The following DBT variants were observed in gnomAD, a reference collection of about 807,000 sequenced individuals.
DBT encodes dihydrolipoamide branched chain transacylase E2, also known as lipoamide acyltransferase component of branched-chain alpha-keto acid dehydrogenase complex, mitochondrial.
A neutral mutation model predicts 51.3 loss-of-function variants in DBT; 40 were observed. That is an observed-to-expected ratio of 0.78 (90% CI 0.61 to 1.02). The LOEUF (loss-of-function observed/expected upper bound fraction) is 1.02, where lower values mean the gene tolerates loss of function less well. Ranked by LOEUF, DBT falls within the 50% of genes least tolerant of loss-of-function variation. DBT has a pLI of 0.00. For synonymous variants in DBT, 181 were observed against 190.4 expected, an observed-to-expected ratio of 0.95 and a Z score of 0.41; for missense variants, 510 against 580.2, an observed-to-expected ratio of 0.88 and a Z score of 1.24.
At chr1:100,200,608 C>T (rs1015039011) in intron 10 of DBT, among the ~76,000 whole-genome samples, 4 of 152,220 alleles carry the variant, frequency 2.6e-5, no homozygotes, top group Admixed American at 6.5e-5. Context: ...TGCCTCCTGA[C>T]GGGGAGACAC....
intron 1 of DBT, among the ~76,000 whole-genome samples, chr1:100,242,165 A>G (rs560810941): frequency 1.3e-5 from 2 of 152,272 alleles, no homozygotes; most frequent in South Asian, 2.1e-4. Flanking sequence ...AAGAATACTG[A>G]TAAGTGAAAC....
At chr1:100,207,408 TA>T (rs2100781567) in intron 8 of DBT, among the ~76,000 whole-genome samples, 1 of 152,264 alleles carries the variant, frequency 6.6e-6, no homozygotes, top group African/African-American at 2.4e-5. Context: ...ACATATATAA[TA>T]AAAAGTATAT....
At chr1:100,227,802 C>T (rs1044030898) in intron 4 of DBT, among the ~76,000 whole-genome samples, 2 of 151,752 alleles carry the variant, frequency 1.3e-5, no homozygotes, top group South Asian at 2.1e-4. Flanking sequence ...TTGAATTCAG[C>T]CTTTATTTTT....
chr1:100,196,534 CTG>C (rs5776501), intron 10 of DBT, 112 bp from the exon 11 acceptor site: 1,467,578 of 1,470,416 alleles, frequency 1, 732,421 homozygotes, highest in East Asian at 1. Context: ...ACCCTTCTTC[CTG>C]TACAGTACAG....
At chr1:100,232,163 A>G (rs2100829797) in intron 3 of DBT, among the ~76,000 whole-genome samples, 1 of 152,342 alleles carries the variant, frequency 6.6e-6, no homozygotes, top group East Asian at 1.9e-4. Context: ...CGTTTCGAGC[A>G]TGTTTAAGGT....
chr1:100,249,367 C>T (rs973487275), intron 1 of DBT: 1 of 332,748 alleles, frequency 3.0e-6, no homozygotes, highest in Non-Finnish European at 5.9e-6. Context: ...TTCCTCTACA[C>T]ACTGTAGATT....
intron 7 of DBT, among the ~76,000 whole-genome samples, chr1:100,212,993 T>C (rs80260634): frequency 2.6e-5 from 4 of 152,224 alleles, no homozygotes; most frequent in African/African-American, 9.7e-5. Flanking sequence ...CTTGGTGCAG[T>C]GTAGAGAAAG....
At chr1:100,209,239 T>C (rs938036268) in intron 8 of DBT, among the ~76,000 whole-genome samples, 2 of 151,586 alleles carry the variant, frequency 1.3e-5, no homozygotes, top group African/African-American at 4.8e-5. Flanking sequence ...GCTAAAACTA[T>C]AGGCATGCAC....
At chr1:100,228,202 A>G (rs1663337379) in intron 4 of DBT, among the ~76,000 whole-genome samples, 2 of 152,228 alleles carry the variant, frequency 1.3e-5, no homozygotes, top group Admixed American at 6.5e-5. Flanking sequence ...TAACGACTAG[A>G]GGAACAAGTT....
chr1:100,233,820 A>C (rs1414136881), intron 3 of DBT, among the ~76,000 whole-genome samples: 2 of 152,226 alleles, frequency 1.3e-5, no homozygotes, highest in Non-Finnish European at 2.9e-5. Context: ...GCAAAGGTAG[A>C]GGAGAACAAA....
intron 4 of DBT, among the ~76,000 whole-genome samples, chr1:100,225,130 C>T (rs979689029): frequency 2.0e-5 from 3 of 148,492 alleles, no homozygotes; most frequent in Non-Finnish European, 3.0e-5. Context: ...TGTATATACT[C>T]ATAAACCATC....
In DBT at chr1:100,196,399, T is replaced by C. The variant is rs747379958; in HGVS notation, c.1305A>G (p.Lys435=). The change falls in exon 11 of 11, where the codon AAA becomes AAG. Residue 435 remains lysine (K), a synonymous_variant. Coordinates refer to ENST00000370132, the MANE Select transcript of DBT (RefSeq NM_001918.5). The stretch of plus-strand genomic sequence containing the variant: ...TTATCTGTGCCTTATATACTTCTCC[T>C]TTCTGGTTAAATCGGGGAATGGCCT... The part of the protein sequence containing the change: ...SIKAIPRFNQ[K]GEVYKAQIMN... 5.6e-6 allele frequency: 9 copies of C among 1,598,644 alleles called. No homozygotes were observed. In the South Asian group the frequency reaches 9.9e-5, roughly 18 times the overall value.
At chr1:100,200,062 A>G (rs935321571) in intron 10 of DBT, among the ~76,000 whole-genome samples, 3 of 151,886 alleles carry the variant, frequency 2.0e-5, no homozygotes, top group African/African-American at 7.3e-5. Flanking sequence ...ACTGTGAGAG[A>G]CACTCCCCTG....
chr1:100,248,353 G>A (rs1386848170), intron 1 of DBT, among the ~76,000 whole-genome samples: 1 of 152,198 alleles, frequency 6.6e-6, no homozygotes, highest in Non-Finnish European at 1.5e-5. Context: ...TGCTCTGTAT[G>A]CATGGATACT....
chr1:100,235,359 TAAATAA>T (rs1191122133), intron 3 of DBT, 71 bp downstream of exon 3: 4 of 734,540 alleles, frequency 5.4e-6, no homozygotes, highest in South Asian at 3.3e-5. Flanking sequence ...ATCCATTAAA[TAAATAA>T]AAATAAAAAT....
chr1:100,238,045 G>T (rs755105216), intron 2 of DBT, among the ~76,000 whole-genome samples: 3 of 152,122 alleles, frequency 2.0e-5, no homozygotes, highest in Non-Finnish European at 4.4e-5. Flanking sequence ...TTGATAATCA[G>T]TTTGATGTGA....
intron 1 of DBT, 94 bp from the exon 2 acceptor site, chr1:100,240,978 T>C: frequency 8.2e-7 from 1 of 1,215,468 alleles, no homozygotes. Flanking sequence ...ATTCTAAAAG[T>C]AGAACCATTG....
intron 10 of DBT, among the ~76,000 whole-genome samples, chr1:100,206,017 G>A (rs746311255): frequency 3.5e-4 from 52 of 148,972 alleles, no homozygotes; most frequent in Non-Finnish European, 6.5e-4. Flanking sequence ...CATGGCAGGT[G>A]TATACTCATG....
chr1:100,231,498 A>G (rs1336197491), intron 3 of DBT, among the ~76,000 whole-genome samples: 3 of 152,236 alleles, frequency 2.0e-5, no homozygotes. Context: ...CAAACCTGAA[A>G]TAATACATCT....
Sources: allele counts gnomAD v4.1 joint callset (sites outside exome capture counted in the v4.1 genomes callset), GRCh38; gene constraint gnomAD v4.1.1; transcripts MANE v1.5; gene names NCBI Gene and HGNC (gene_info 2026-07-23, HGNC 2026-07-21).